Variants in PRAMEF10 observed in about 807,000 individuals in gnomAD.
PRAMEF10 encodes the protein PRAME family member 10.
In PRAMEF10, 4 loss-of-function variants were observed where a neutral mutation model predicts 27.7. That is an observed-to-expected ratio of 0.14 (90% CI 0.07 to 0.33). The LOEUF (loss-of-function observed/expected upper bound fraction) is 0.33, where lower values mean the gene tolerates loss of function less well. Among genes scored for constraint, PRAMEF10 ranks in the 10% least tolerant of loss-of-function variants. The probability of loss-of-function intolerance (pLI) is 1.00; values close to 1 mark genes in which losing one functional copy is unlikely to be tolerated. For missense variants in PRAMEF10, 99 were observed against 453.9 expected, an observed-to-expected ratio of 0.22 and a Z score of 7.10; for synonymous variants, 46 against 176.0, an observed-to-expected ratio of 0.26 and a Z score of 5.85.
intron 1 of PRAMEF10, among the ~76,000 whole-genome samples, chr1:12,897,386 AT>A (rs928312122): frequency 6.7e-6 from 1 of 149,406 alleles, no homozygotes; most frequent in Non-Finnish European, 1.5e-5. Flanking sequence ...TTTGGTTAAG[AT>A]TTTTTTTCTG....
chr1:12,893,257 G>A lies in PRAMEF10; in HGVS notation c.1084C>T (p.Gln362Ter). Residue 362 changes from glutamine to a stop codon, truncating the protein, a stop_gained, in exon 4 of 4, where the codon CAG becomes TAG. Coordinates refer to ENST00000235347, the MANE Select transcript of PRAMEF10 (RefSeq NM_001039361.4). LOFTEE classifies it high-confidence loss of function. ...AGGAGGACCCTGAGTTGGGGGTCCTGGATCCGACAGTCCTTTAAGACGAGG... is the reference window on the plus strand; with the variant it reads ...AGGAGGACCCTGAGTTGGGGGTCCTAGATCCGACAGTCCTTTAAGACGAGG... ...KTLVLKDCRI[Q>*]DPQLRVLLPA... is the part of the protein sequence containing the mutation. 1.2e-6 allele frequency: 2 copies of A among 1,611,346 alleles called. No homozygotes were observed. Among genetic ancestry groups the A allele is most frequent in the South Asian group, 1.1e-5 (1 of 90,934 alleles).
rs202148285 is a variant in PRAMEF10 at position 12,893,246 on chromosome 1, T to G, written c.1095A>C (p.Gln365His). 8.1e-6 allele frequency: 13 copies of G among 1,608,744 alleles called. No individual in the cohort carries two copies. The highest frequency in any genetic ancestry group is 5.0e-5 in the Admixed American group (3 of 59,818). ...TCAGGGCAGGCAGGAGGACCCTGAG[T>G]TGGGGGTCCTGGATCCGACAGTCCT... ...VLKDCRIQDP[Q>H]LRVLLPALSH... The change falls in exon 4 of 4, where the codon CAA becomes CAC. Residue 365 changes from glutamine to histidine, a missense_variant. Coordinates refer to ENST00000235347, the MANE Select transcript of PRAMEF10 (RefSeq NM_001039361.4).
At position 12,894,079 on chromosome 1, in the gene PRAMEF10, T is replaced by A. The variant is rs567792863; in HGVS notation, c.866+507A>T. On this transcript the variant is annotated intron_variant, in intron 3 of 3. Coordinates refer to ENST00000235347, the MANE Select transcript of PRAMEF10 (RefSeq NM_001039361.4). ...TGCCTGTCTGCATGCCCGGTGACAT[T>A]TTTTTTTGTATTTTTAGTAGAGACG... is the stretch of plus-strand genomic sequence containing the variant. Among the ~76,000 whole-genome samples, 3 of 150,598 alleles carry A rather than the reference T, an allele frequency of 2.0e-5. No homozygotes were observed. The Admixed American group carries it at 2.0e-4, about 10-fold the overall frequency.
Position 12,893,117 on chromosome 1 carries a change from G to C in PRAMEF10, c.1224C>G (p.Gly408=). 1 of 1,593,462 alleles carries C rather than the reference G, an allele frequency of 6.3e-7. No individual in the cohort carries two copies. The highest frequency in any genetic ancestry group is 8.6e-7 in the Non-Finnish European group (1 of 1,165,252). The part of the protein sequence containing the change: ...LRHTRGLSKL[G]LELYPAPLES... ...CCAGAGGGGCAGGATACAACTCCAG[G>C]CCTAACTTGCTCAGCCCACGTGTGT... Residue 408 remains glycine (G), a synonymous_variant, in exon 4 of 4, where the codon GGC becomes GGG. Coordinates refer to ENST00000235347, the MANE Select transcript of PRAMEF10 (RefSeq NM_001039361.4).
At chr1:12,896,412 T>G (rs1317595711) in intron 1 of PRAMEF10, among the ~76,000 whole-genome samples, 1 of 150,590 alleles carries the variant, frequency 6.6e-6, no homozygotes, top group Non-Finnish European at 1.5e-5. Context: ...AATACACACC[T>G]CTTACGCATG....
At chr1:12,896,705 GGCT>G (rs1641213183) in intron 1 of PRAMEF10, among the ~76,000 whole-genome samples, 1 of 44,826 alleles carries the variant, frequency 2.2e-5, no homozygotes. Flanking sequence ...CTGGGAAATT[GGCT>G]AGATTCAAAA....
chr1:12,896,305 T>A (rs1641208097), intron 1 of PRAMEF10, among the ~76,000 whole-genome samples: 1 of 150,306 alleles, frequency 6.7e-6, no homozygotes. Context: ...ATTACAGGCG[T>A]AATCCTCTTC....
chr1:12,896,365 C>T lies in PRAMEF10; in HGVS notation c.-25-493G>A, dbSNP rs1324077527. Among the ~76,000 whole-genome samples, 3 of 150,950 alleles carry T rather than the reference C, an allele frequency of 2.0e-5. No individual in the cohort carries two copies. In the East Asian group the frequency reaches 5.9e-4, roughly 30 times the overall value. On this transcript the variant is annotated intron_variant, in intron 1 of 3. Transcript: ENST00000235347. The stretch of plus-strand genomic sequence containing the variant: ...CCAAGAAGCTTTGAAAGCTGTGTGA[C>T]AGTGTTATGCATCATTCGCAAGACA...
intron 1 of PRAMEF10, among the ~76,000 whole-genome samples, chr1:12,896,112 T>A (rs1641205808): frequency 1.4e-5 from 2 of 147,766 alleles, no homozygotes; most frequent in African/African-American, 5.0e-5. Context: ...TTAGCCACTG[T>A]TGCAATAAAC....
chr1:12,896,270 C>T (rs1024520122), intron 1 of PRAMEF10, among the ~76,000 whole-genome samples: 5 of 149,522 alleles, frequency 3.3e-5, no homozygotes, highest in Admixed American at 6.7e-5. Flanking sequence ...ACATTCCACC[C>T]GCCTTGGCCT....
intron 1 of PRAMEF10, among the ~76,000 whole-genome samples, chr1:12,896,261 C>T (rs1216997576): frequency 1.3e-5 from 2 of 149,224 alleles, no homozygotes; most frequent in African/African-American, 5.0e-5. Context: ...TAGACTCAAA[C>T]ATTCCACCCG....
intron 1 of PRAMEF10, among the ~76,000 whole-genome samples, chr1:12,897,617 G>C (rs1641226241): frequency 6.7e-6 from 1 of 149,812 alleles, no homozygotes; most frequent in Admixed American, 6.6e-5. Context: ...AGCACTTTGG[G>C]AGGCCAAGGC....
chr1:12,893,314 G>C lies in PRAMEF10; in HGVS notation c.1027C>G (p.Leu343Val). The part of the protein sequence containing the change: ...WTTNLEPLGV[L>V]LEKVAATLKT... ...AGAGTAGCAGCAACTTTCTCCAGCA[G>C]AACTCCAAGGGGCTCAAGATTGGTG... Residue 343 changes from leucine to valine, a missense_variant, in exon 4 of 4, where the codon CTG (leucine) becomes GTG (valine). Transcript: ENST00000235347. 6.2e-7 allele frequency: 1 copy of C among 1,611,844 alleles called. No individual in the cohort carries two copies. Among genetic ancestry groups the C allele is most frequent in the South Asian group, 1.1e-5 (1 of 90,976 alleles).
At chr1:12,896,271 G>A (rs1217805640) in intron 1 of PRAMEF10, among the ~76,000 whole-genome samples, 15 of 149,432 alleles carry the variant, frequency 1.0e-4, no homozygotes, top group Non-Finnish European at 2.1e-4. Flanking sequence ...CATTCCACCC[G>A]CCTTGGCCTC....
intron 1 of PRAMEF10, among the ~76,000 whole-genome samples, chr1:12,896,081 T>G (rs1348362989): frequency 6.8e-6 from 1 of 147,794 alleles, no homozygotes; most frequent in African/African-American, 2.5e-5. Flanking sequence ...GCAGGCAAGA[T>G]CCTTCCTAGT....
At chr1:12,894,201 C>T (rs1214909273) in intron 3 of PRAMEF10, among the ~76,000 whole-genome samples, 1 of 147,412 alleles carries the variant, frequency 6.8e-6, no homozygotes, top group Non-Finnish European at 1.5e-5. Context: ...GCATGAGACA[C>T]CACAACCGGC....
chr1:12,897,513 T>C (rs1405439643), intron 1 of PRAMEF10, among the ~76,000 whole-genome samples: 1 of 147,986 alleles, frequency 6.8e-6, no homozygotes, highest in Admixed American at 6.8e-5. Flanking sequence ...ACCCATACAG[T>C]TGGGAAGACA....
Position 12,894,162 on chromosome 1 carries a change from C to T in PRAMEF10, c.866+424G>A, listed in dbSNP as rs1372629248. Among the ~76,000 whole-genome samples, 132 of 150,010 alleles carry T rather than the reference C, an allele frequency of 8.8e-4. No homozygotes were observed. In the South Asian group the frequency reaches 0.026, roughly 30 times the overall value. On this transcript the variant is annotated intron_variant, in intron 3 of 3. Transcript: ENST00000235347. ...ATTCCTGACCTCATGATCTCCCTGC[C>T]TTGGCCTCCCGAAGTGCTGGGATTA...
chr1:12,895,014 G>A lies in PRAMEF10; in HGVS notation c.438C>T (p.Pro146=), dbSNP rs750139007. Residue 146 remains proline, a synonymous_variant, in exon 3 of 4, where the codon CCC becomes CCT. Transcript: ENST00000235347. ...GGCAGAGGTCTATGAACACCTTCAA[G>A]GGCTGGCGCTCTCCCATCCTTGGAC... The part of the protein sequence containing the change: ...EDCPRMGERQ[P]LKVFIDLCLK... 6.2e-7 allele frequency: 1 copy of A among 1,609,684 alleles called. No individual in the cohort carries two copies. The highest frequency in any genetic ancestry group is 1.1e-5 in the South Asian group (1 of 90,882).
Sources: gnomAD v4.1 joint callset for allele counts (sites outside exome capture counted in the v4.1 genomes callset) on GRCh38, gnomAD v4.1.1 for gene constraint, MANE v1.5 for transcripts, NCBI Gene and HGNC (gene_info 2026-07-23, HGNC 2026-07-21) for gene names.